DPYD: variants seen among roughly 807,000 people sequenced by gnomAD.
The protein encoded by DPYD is dihydropyrimidine dehydrogenase.
In DPYD, 109 loss-of-function variants were observed where a neutral mutation model predicts 116.2. That is an observed-to-expected ratio of 0.94 (90% CI 0.80 to 1.10). The LOEUF (loss-of-function observed/expected upper bound fraction) is 1.10, where lower values mean the gene tolerates loss of function less well. DPYD is among the 50% of genes least tolerant of loss of function. The pLI is 0.00. For missense variants in DPYD, 1,302 were observed against 1,254.5 expected, an observed-to-expected ratio of 1.04 and a Z score of -0.57; for synonymous variants, 440 against 432.0, an observed-to-expected ratio of 1.02 and a Z score of -0.23.
chr1:97,605,039 T>C (rs1655497483), intron 8 of DPYD, among the ~76,000 whole-genome samples: 1 of 152,170 alleles, frequency 6.6e-6, no homozygotes, highest in African/African-American at 2.4e-5. Context: ...AATTACACTA[T>C]ACCATATCCA....
intron 18 of DPYD, among the ~76,000 whole-genome samples, chr1:97,255,823 G>A (rs1004107918): frequency 2.0e-5 from 3 of 151,482 alleles, no homozygotes; most frequent in Non-Finnish European, 2.9e-5. Context: ...CAGAGTCCAC[G>A]TTCCTTATCC....
chr1:97,677,194 T>C (rs978792407), intron 8 of DPYD, among the ~76,000 whole-genome samples: 6 of 152,232 alleles, frequency 3.9e-5, no homozygotes, highest in Non-Finnish European at 7.3e-5. Context: ...AATAATTTGC[T>C]TATGTAATTA....
chr1:97,424,069 T>A (rs1197341784), intron 14 of DPYD, among the ~76,000 whole-genome samples: 1 of 152,128 alleles, frequency 6.6e-6, no homozygotes, highest in Non-Finnish European at 1.5e-5. Context: ...GTATTTATTT[T>A]TATCTACTAA....
At chr1:97,151,878 C>A (rs1024571758) in intron 20 of DPYD, among the ~76,000 whole-genome samples, 20 of 151,898 alleles carry the variant, frequency 1.3e-4, no homozygotes, top group Non-Finnish European at 2.6e-4. Flanking sequence ...TCTACTATTC[C>A]ATAGAAGAAT....
At chr1:97,602,326 A>G (rs1655302574) in intron 8 of DPYD, among the ~76,000 whole-genome samples, 1 of 152,000 alleles carries the variant, frequency 6.6e-6, no homozygotes, top group African/African-American at 2.4e-5. Flanking sequence ...TATCGTGCCA[A>G]TGTAATTACT....
At chr1:97,717,549 G>C (rs1008620429) in intron 5 of DPYD, among the ~76,000 whole-genome samples, 2 of 151,992 alleles carry the variant, frequency 1.3e-5, no homozygotes, top group African/African-American at 4.8e-5. Flanking sequence ...CACCCAAGTA[G>C]TGTACACTGT....
intron 12 of DPYD, among the ~76,000 whole-genome samples, chr1:97,524,227 C>A (rs188182521): frequency 7.2e-5 from 11 of 152,008 alleles, no homozygotes; most frequent in South Asian, 2.1e-4. Context: ...TTAACTACAG[C>A]GAGTTATGTT....
chr1:97,516,070 A>C, intron 12 of DPYD, 129 bp from the exon 13 acceptor site: 1 of 960,592 alleles, frequency 1.0e-6, no homozygotes, highest in Non-Finnish European at 1.6e-6. Context: ...TACAATGAAA[A>C]AAACTGGCAA....
At chr1:97,286,899 T>TGA (rs1401035797) in intron 18 of DPYD, among the ~76,000 whole-genome samples, 1 of 152,224 alleles carries the variant, frequency 6.6e-6, no homozygotes, top group Non-Finnish European at 1.5e-5. Context: ...TTTGATCGTC[T>TGA]GAAGCCTTCT....
intron 2 of DPYD, among the ~76,000 whole-genome samples, chr1:97,839,235 T>C (rs1019935276): frequency 6.6e-6 from 1 of 152,260 alleles, no homozygotes; most frequent in Non-Finnish European, 1.5e-5. Flanking sequence ...TGGTTTAATT[T>C]TTTAACTTCA....
chr1:97,515,765 T>A lies in DPYD; in HGVS notation c.1701A>T (p.Gly567=), dbSNP rs148372305. 1.0e-4 allele frequency: 165 copies of A among 1,612,830 alleles called. No individual in the cohort carries two copies. The African/African-American group carries it at 2.0e-3, about 19-fold the overall frequency. The part of the protein sequence containing the change: ...TSMIRRAFEA[G]WGFALTKTFS... ...AAGTTTTGGTGAGGGCAAAACCCCA[T>A]CCAGCTTCAAAAGCTCTTCGAATCA... The change falls in exon 13 of 23, where the codon GGA becomes GGT. Residue 567 remains glycine, a synonymous_variant. Coordinates refer to ENST00000370192, the MANE Select transcript of DPYD (RefSeq NM_000110.4).
At chr1:97,667,972 T>TGTATGATTCC (rs1413390711) in intron 8 of DPYD, among the ~76,000 whole-genome samples, 1 of 152,120 alleles carries the variant, frequency 6.6e-6, no homozygotes, top group African/African-American at 2.4e-5. Flanking sequence ...AAATATATAA[T>TGTATGATTCC]GTATGATTCC....
At chr1:97,193,362 G>T (rs944469244) in intron 19 of DPYD, 114 bp from the exon 20 acceptor site, 2 of 1,099,376 alleles carry the variant, frequency 1.8e-6, no homozygotes, top group Non-Finnish European at 2.7e-6. Context: ...ACTGTTTGAG[G>T]CATGATGGAT....
chr1:97,770,760 C>T (rs975885688), intron 3 of DPYD, among the ~76,000 whole-genome samples: 9 of 152,080 alleles, frequency 5.9e-5, no homozygotes, highest in South Asian at 2.1e-4. Flanking sequence ...TTGCTGCACA[C>T]GTCTCTTTCA....
chr1:97,458,951 T>C (rs574563331), intron 13 of DPYD, among the ~76,000 whole-genome samples: 39 of 152,124 alleles, frequency 2.6e-4, no homozygotes, highest in African/African-American at 8.9e-4. Context: ...AGAAAATCAC[T>C]AATGACATGA....
At chr1:97,793,089 T>A (rs915725076) in intron 3 of DPYD, among the ~76,000 whole-genome samples, 3 of 152,206 alleles carry the variant, frequency 2.0e-5, no homozygotes, top group Non-Finnish European at 2.9e-5. Context: ...TAAAGGAAAC[T>A]GACTTGGTGT....
At chr1:97,437,751 C>A (rs1675549249) in intron 14 of DPYD, among the ~76,000 whole-genome samples, 1 of 151,906 alleles carries the variant, frequency 6.6e-6, no homozygotes. Context: ...TATCAAATCA[C>A]ATATATCCTT....
At chr1:97,649,540 G>C (rs1571127156) in intron 8 of DPYD, among the ~76,000 whole-genome samples, 2 of 151,878 alleles carry the variant, frequency 1.3e-5, no homozygotes, top group Non-Finnish European at 2.9e-5. Flanking sequence ...CAATTAGTTT[G>C]CTTAAATCTG....
chr1:97,441,524 T>C (rs921684232), intron 14 of DPYD, among the ~76,000 whole-genome samples: 2 of 152,272 alleles, frequency 1.3e-5, no homozygotes, highest in East Asian at 1.9e-4. Flanking sequence ...ATCTTATTCA[T>C]TGTAGTTTTA....
Sources: allele counts gnomAD v4.1 joint callset (sites outside exome capture counted in the v4.1 genomes callset), GRCh38; gene constraint gnomAD v4.1.1; transcripts MANE v1.5; gene names NCBI Gene and HGNC (gene_info 2026-07-23, HGNC 2026-07-21).